ATP11B: variants seen among roughly 807,000 people sequenced by gnomAD.
The protein encoded by ATP11B is phospholipid-transporting ATPase IF.
A neutral mutation model predicts 157.8 loss-of-function variants in ATP11B; 81 were observed. The ratio of observed to expected loss-of-function variants is 0.51; its 90% CI spans 0.43 to 0.62. The LOEUF is 0.62. ATP11B is among the 20% of genes least tolerant of loss of function. The probability of loss-of-function intolerance (pLI) is 0.00; values close to 1 mark genes in which losing one functional copy is unlikely to be tolerated. For missense variants in ATP11B, 1,165 were observed against 1,402.2 expected, an observed-to-expected ratio of 0.83 and a Z score of 2.70; for synonymous variants, 451 against 469.4, an observed-to-expected ratio of 0.96 and a Z score of 0.51.
At chr3:182,878,842 G>T (rs1414919294) in intron 19 of ATP11B, among the ~76,000 whole-genome samples, 1 of 151,796 alleles carries the variant, frequency 6.6e-6, no homozygotes, top group Non-Finnish European at 1.5e-5. Context: ...TTTTAATTAG[G>T]ATTTGCTGAA....
Position 182,898,614 on chromosome 3 carries a change from T to C in ATP11B, c.3160T>C (p.Leu1054=). Residue 1054 remains leucine, a synonymous_variant, in exon 28 of 30, where the codon TTG becomes CTG. Transcript: ENST00000323116. ...CATTTTCTTTCTTTGCAGGCCATTT[T>C]TGGGCTCCCAGAATATGTATTTTGT... The part of the protein sequence containing the change: ...LFYGGILWPF[L]GSQNMYFVFI... 1.3e-6 allele frequency: 2 copies of C among 1,592,982 alleles called. No homozygotes were observed. Among genetic ancestry groups the C allele is most frequent in the Non-Finnish European group, 1.7e-6 (2 of 1,171,422 alleles).
intron 1 of ATP11B, among the ~76,000 whole-genome samples, chr3:182,804,640 A>T (rs1189223026): frequency 6.6e-6 from 1 of 152,220 alleles, no homozygotes; most frequent in Non-Finnish European, 1.5e-5. Context: ...CAACTCACAT[A>T]ACATACAATT....
chr3:182,808,154 A>C (rs777148437), intron 1 of ATP11B, among the ~76,000 whole-genome samples: 49 of 152,194 alleles, frequency 3.2e-4, no homozygotes, highest in Non-Finnish European at 6.3e-4. Flanking sequence ...CATCTCCTGA[A>C]CTACAAGGGG....
chr3:182,897,384 T>C lies in ATP11B; in HGVS notation c.3130T>C (p.Leu1044=). Residue 1044 remains leucine, a synonymous_variant, in exon 27 of 30, where the codon TTG becomes CTG. Transcript: ENST00000323116. The part of the protein sequence containing the change: ...GSIIFYFVFS[L]FYGGILWPFL... ...TATTATATTTTATTTTGTATTTTCC[T>C]TGTTTTATGGAGGGATTCTCTGGTG... 1.9e-6 allele frequency: 3 copies of C among 1,584,982 alleles called. No individual in the cohort carries two copies. Among genetic ancestry groups the C allele is most frequent in the Non-Finnish European group, 2.6e-6 (3 of 1,168,876 alleles).
At chr3:182,871,411 A>G (rs1272655894) in intron 17 of ATP11B, among the ~76,000 whole-genome samples, 1 of 152,264 alleles carries the variant, frequency 6.6e-6, no homozygotes. Context: ...GATGAATACT[A>G]TAAGAAAACT....
chr3:182,861,935 C>A (rs1720868938), intron 12 of ATP11B, among the ~76,000 whole-genome samples: 1 of 111,360 alleles, frequency 9.0e-6, no homozygotes, highest in Non-Finnish European at 2.1e-5. Context: ...CAGAGTGAGA[C>A]CCTGTCTCAA....
At chr3:182,912,329 A>T (rs968214062) in intron 28 of ATP11B, among the ~76,000 whole-genome samples, 1 of 152,070 alleles carries the variant, frequency 6.6e-6, no homozygotes, top group African/African-American at 2.4e-5. Flanking sequence ...GAATTATGAT[A>T]TCTCAGGCTT....
At chr3:182,810,331 CA>C (rs1716579478) in intron 1 of ATP11B, among the ~76,000 whole-genome samples, 1 of 152,058 alleles carries the variant, frequency 6.6e-6, no homozygotes, top group Non-Finnish European at 1.5e-5. Context: ...GACTCCACCT[CA>C]AAATAAATAA....
At position 182,918,111 on chromosome 3, in the gene ATP11B, A is replaced by T. The variant is rs780235720; in HGVS notation, c.*7A>T. The T allele has an allele frequency of 6.8e-6, 11 of 1,612,658 alleles. No individual in the cohort carries two copies. In the South Asian group the frequency reaches 1.1e-4, roughly 16 times the overall value. The stretch of plus-strand genomic sequence containing the variant: ...GGACTCATCTACTTGTTAAAGGGGC[A>T]GTAGTACTTTGTGGGAGCCAGTTCA... On this transcript the variant is annotated 3_prime_UTR_variant, in exon 30 of 30. Transcript: ENST00000323116.
intron 20 of ATP11B, 135 bp from the exon 21 acceptor site, chr3:182,880,744 G>C (rs761888664): frequency 1.2e-4 from 54 of 440,192 alleles, no homozygotes; most frequent in Non-Finnish European, 1.9e-4. Flanking sequence ...AAATGAACCT[G>C]CATATTATTG....
Position 182,871,847 on chromosome 3 carries a change from G to A in ATP11B, c.1867-509G>A, listed in dbSNP as rs555170636. Among the ~76,000 whole-genome samples, 81 of 150,658 alleles carry A rather than the reference G, an allele frequency of 5.4e-4. No homozygotes were observed. In the Middle Eastern group the frequency reaches 0.01, roughly 19 times the overall value. ...TTTTTTTTTTTTGAGACAGAGTCTC[G>A]CTCTTTCGCCCAGGCTGGAGTGCAG... On this transcript the variant is annotated intron_variant, in intron 17 of 29. Transcript: ENST00000323116.
intron 4 of ATP11B, chr3:182,833,580 C>T (rs900774297): frequency 6.6e-6 from 1 of 152,100 alleles, no homozygotes; most frequent in Non-Finnish European, 1.5e-5. Context: ...TCTCTCCCTT[C>T]GGCCTCCCAA....
At chr3:182,818,206 G>A (rs191724970) in intron 1 of ATP11B, among the ~76,000 whole-genome samples, 190 of 152,304 alleles carry the variant, frequency 1.2e-3, no homozygotes, top group African/African-American at 4.3e-3. Context: ...TATGCTTCCT[G>A]CAGTCTAATG....
chr3:182,914,915 G>T (rs1340978363), intron 29 of ATP11B: 6 of 985,218 alleles, frequency 6.1e-6, no homozygotes, highest in Non-Finnish European at 7.2e-6. Flanking sequence ...ATGCATGGAG[G>T]TACAAATGGG....
At chr3:182,798,207 T>G (rs1295829531) in intron 1 of ATP11B, among the ~76,000 whole-genome samples, 1 of 152,244 alleles carries the variant, frequency 6.6e-6, no homozygotes. Flanking sequence ...TAGACTAGAC[T>G]GTAAATATCT....
At position 182,894,963 on chromosome 3, in the gene ATP11B, CA is replaced by C. The variant is rs11402392; in HGVS notation, c.2983-1724del. Among the ~76,000 whole-genome samples the C allele has an allele frequency of 1.8e-3, 256 of 141,038 alleles. 1 individual carries two copies. Among genetic ancestry groups the C allele is most frequent in the African/African-American group, 3.4e-3 (131 of 38,516 alleles). The allele number at this position is 141,038 out of a possible 152,430, so 92.5% of individuals were successfully genotyped here. On this transcript the variant is annotated intron_variant, in intron 25 of 29. Coordinates refer to ENST00000323116, the MANE Select transcript of ATP11B (RefSeq NM_014616.3). Reference sequence around the variant, plus strand: ...TGAAAGCCCATCTCTGTAAAAAATACAAAAAAAAAAAAATTAGCTAAGTGTG... The same window carrying C: ...TGAAAGCCCATCTCTGTAAAAAATACAAAAAAAAAAAATTAGCTAAGTGTG...
rs757526527 is a variant in ATP11B at position 182,836,383 on chromosome 3, T to C, written c.465T>C (p.Pro155=). 1 of 1,613,940 alleles carries C rather than the reference T, an allele frequency of 6.2e-7. No homozygotes were observed. The highest frequency in any genetic ancestry group is 1.7e-5 in the Admixed American group (1 of 60,008). ...IVRIAKDEIF[P]ADLVLLSSDR... is the part of the protein sequence containing the mutation. ...GAATAGCCAAAGATGAAATTTTTCC[T>C]GCAGACTTGGTGCTTCTGTCCTCAG... The change falls in exon 6 of 30, where the codon CCT becomes CCC. Residue 155 remains proline (P), a synonymous_variant. Transcript: ENST00000323116.
At chr3:182,866,965 C>CT (rs1481311543) in intron 14 of ATP11B, among the ~76,000 whole-genome samples, 1 of 150,170 alleles carries the variant, frequency 6.7e-6, no homozygotes, top group Non-Finnish European at 1.5e-5. Context: ...GAATCTCACT[C>CT]TGTCACCCAG....
At chr3:182,837,026 G>C (rs370770858) in intron 6 of ATP11B, 45 bp from the exon 7 acceptor site, 1 of 1,417,020 alleles carries the variant, frequency 7.1e-7, no homozygotes, top group South Asian at 1.2e-5. Context: ...ATTGAAGGTC[G>C]CAATTTGGAT....
Sources: gnomAD v4.1 joint callset for allele counts (sites outside exome capture counted in the v4.1 genomes callset) on GRCh38, gnomAD v4.1.1 for gene constraint, MANE v1.5 for transcripts, NCBI Gene and HGNC (gene_info 2026-07-23, HGNC 2026-07-21) for gene names.